SLAMF1: variants seen among roughly 807,000 people sequenced by gnomAD.
SLAMF1 encodes signaling lymphocytic activation molecule family member 1, also known as signaling lymphocytic activation molecule.
Under a neutral mutation model 35.1 loss-of-function variants are expected in SLAMF1, and 18 were observed. The ratio of observed to expected loss-of-function variants is 0.51; its 90% CI spans 0.35 to 0.76. The LOEUF is 0.76. Among genes scored for constraint, SLAMF1 ranks in the 30% least tolerant of loss-of-function variants. SLAMF1 has a pLI of 0.01. For missense variants in SLAMF1, 392 were observed against 413.0 expected (o/e 0.95, Z 0.44); for synonymous variants, 168 against 157.2 (o/e 1.07, Z -0.51).
chr1:160,610,286 C>A lies in SLAMF1; in HGVS notation c.*462G>T, dbSNP rs1369274490. ...AGGCACAGAGGCTTGATCAGGTCTG[C>A]AGGTTATCATGATCAGCTCCCAGAA... is the stretch of plus-strand genomic sequence containing the variant. On this transcript the variant is annotated 3_prime_UTR_variant, in exon 7 of 7. Transcript: ENST00000302035. 1 of 456,750 alleles carries A rather than the reference C, an allele frequency of 2.2e-6. No homozygotes were observed. Among genetic ancestry groups the A allele is most frequent in the Non-Finnish European group, 4.4e-6 (1 of 227,090 alleles). 28.3% of individuals were successfully genotyped at this position (456,750 alleles called of 1,614,324 possible). A position where few individuals can be genotyped will look rare whatever the true frequency, so the allele number is the denominator to read the frequency against.
intron 5 of SLAMF1, among the ~76,000 whole-genome samples, chr1:160,616,903 C>G (rs1019979777): frequency 5.9e-5 from 9 of 151,996 alleles, no homozygotes; most frequent in African/African-American, 2.2e-4. Context: ...TGCCTGTAAT[C>G]CCAGCACTTT....
chr1:160,622,700 A>G, intron 4 of SLAMF1, among the ~76,000 whole-genome samples: 1 of 152,220 alleles, frequency 6.6e-6, no homozygotes, highest in Admixed American at 6.5e-5. Flanking sequence ...CCTGTTTTGC[A>G]GACGAGAAGT....
intron 5 of SLAMF1, chr1:160,615,762 G>A: frequency 5.8e-6 from 2 of 346,312 alleles, no homozygotes; most frequent in South Asian, 2.3e-5. Context: ...GTCTGATGAT[G>A]ACTGTCCTTA....
At chr1:160,643,448 T>C (rs1450466151) in intron 1 of SLAMF1, among the ~76,000 whole-genome samples, 1 of 152,164 alleles carries the variant, frequency 6.6e-6, no homozygotes, top group Non-Finnish European at 1.5e-5. Flanking sequence ...TTTGCTCCTC[T>C]CGGGAAAAAT....
At chr1:160,616,081 G>A (rs1485643124) in intron 5 of SLAMF1, among the ~76,000 whole-genome samples, 2 of 152,172 alleles carry the variant, frequency 1.3e-5, no homozygotes, top group African/African-American at 4.8e-5. Flanking sequence ...AACTCCTTAT[G>A]TGAATTAGCA....
At chr1:160,629,303 G>GTC (rs10653393) in intron 3 of SLAMF1, among the ~76,000 whole-genome samples, 50,805 of 150,182 alleles carry the variant, frequency 0.34, 8,687 homozygotes, top group Middle Eastern at 0.47. Flanking sequence ...ACAGAAGCGT[G>GTC]TCTCTCTCTC....
At chr1:160,615,802 AG>A in intron 5 of SLAMF1, 2 of 269,870 alleles carry the variant, frequency 7.4e-6, no homozygotes, top group Non-Finnish European at 1.5e-5. Flanking sequence ...AGACACAGAG[AG>A]GGAGGTCATG....
chr1:160,641,407 T>C (rs1660737628), intron 1 of SLAMF1, among the ~76,000 whole-genome samples: 1 of 151,744 alleles, frequency 6.6e-6, no homozygotes, highest in South Asian at 2.1e-4. Context: ...CTTTCAGAAC[T>C]TGGAGTTGAT....
In SLAMF1 at chr1:160,610,676, C is replaced by T; in HGVS notation, c.*72G>A. ...ATGTCTGCCAGAGGAAACTTGGGGC[C>T]TGTGGCCAAGTTCAGTGTTCATTTT... On this transcript the variant is annotated 3_prime_UTR_variant, in exon 7 of 7. Transcript: ENST00000302035. 1 of 1,144,118 alleles carries T rather than the reference C, an allele frequency of 8.7e-7. No individual in the cohort carries two copies. The highest frequency in any genetic ancestry group is 1.3e-6 in the Non-Finnish European group (1 of 753,914). 70.9% of individuals were successfully genotyped at this position (1,144,118 alleles called of 1,614,324 possible). A position where few individuals can be genotyped will look rare whatever the true frequency, so the allele number is the denominator to read the frequency against.
At position 160,634,845 on chromosome 1, in the gene SLAMF1, C is replaced by G; in HGVS notation, c.468G>C (p.Gly156=). ...IKVLNKTQEN[G]TCTLILGCTV... ...TGCAGCCCAGTATCAAGGTGCAGGT[C>G]CCGTTCTCCTGGGTCTTGTTTAAAA... Residue 156 remains glycine, a synonymous_variant, in exon 3 of 7, where the codon GGG becomes GGC. Coordinates refer to ENST00000302035, the MANE Select transcript of SLAMF1 (RefSeq NM_003037.5). 1 of 1,614,122 alleles carries G rather than the reference C, an allele frequency of 6.2e-7. No homozygotes were observed. Among genetic ancestry groups the G allele is most frequent in the Non-Finnish European group, 8.5e-7 (1 of 1,180,004 alleles).
chr1:160,635,960 G>T (rs912624510), intron 2 of SLAMF1, among the ~76,000 whole-genome samples: 13 of 152,088 alleles, frequency 8.5e-5, no homozygotes, highest in African/African-American at 1.2e-4. Context: ...CAGGGAGGTG[G>T]AATATCTTAC....
intron 4 of SLAMF1, among the ~76,000 whole-genome samples, chr1:160,622,954 G>C (rs116143298): frequency 6.6e-6 from 1 of 152,122 alleles, no homozygotes; most frequent in African/African-American, 2.4e-5. Flanking sequence ...AAATTTTACC[G>C]CAAGTTTGAG....
At chr1:160,634,226 C>T in intron 3 of SLAMF1, 1 of 155,564 alleles carries the variant, frequency 6.4e-6, no homozygotes. Context: ...TCAGTAAATA[C>T]TAATTGACGG....
rs1407709588 is a variant in SLAMF1 at position 160,609,653 on chromosome 1, G to T, written c.*1095C>A. 1 of 152,208 alleles carries T rather than the reference G, an allele frequency of 6.6e-6. No homozygotes were observed. The highest frequency in any genetic ancestry group is 1.9e-4 in the East Asian group (1 of 5,198). The allele number at this position is 152,208 out of a possible 1,614,324, so 9.4% of individuals were successfully genotyped here. A position where few individuals can be genotyped will look rare whatever the true frequency, so the allele number is the denominator to read the frequency against. On this transcript the variant is annotated 3_prime_UTR_variant, in exon 7 of 7. Transcript: ENST00000302035. The stretch of plus-strand genomic sequence containing the variant: ...AAAAACAAAGGACTTTACTTAAAAA[G>T]TCTCTTTCTGCCTGCAGCTTGCAAA...
intron 1 of SLAMF1, among the ~76,000 whole-genome samples, chr1:160,643,048 CA>C (rs5778174): frequency 0.92 from 139,538 of 152,110 alleles, 65,221 homozygotes; most frequent in East Asian, 1. Context: ...TTTGGCCCCC[CA>C]CTTCCCCCTA....
chr1:160,628,875 G>C (rs563298699), intron 3 of SLAMF1, among the ~76,000 whole-genome samples: 3 of 152,134 alleles, frequency 2.0e-5, no homozygotes, highest in Non-Finnish European at 2.9e-5. Context: ...CTGTGCCATC[G>C]GCGCTTCACC....
rs1660054174 is a variant in SLAMF1 at position 160,629,432 on chromosome 1, T to G, written c.700+5181A>C. Among the ~76,000 whole-genome samples, 3 of 152,146 alleles carry G rather than the reference T, an allele frequency of 2.0e-5. No homozygotes were observed. The South Asian group carries it at 6.2e-4, about 32-fold the overall frequency. ...GTTCACCTAGGAGATACTGCGACGT[T>G]AGCGTAACGGTGGGAGCGTGCCGGA... On this transcript the variant is annotated intron_variant, in intron 3 of 6. Transcript: ENST00000302035.
chr1:160,639,267 C>G (rs1410055033), intron 1 of SLAMF1, among the ~76,000 whole-genome samples: 3 of 152,064 alleles, frequency 2.0e-5, no homozygotes, highest in African/African-American at 7.2e-5. Flanking sequence ...GTGCTGTCGC[C>G]CAGGCTGGAG....
intron 3 of SLAMF1, among the ~76,000 whole-genome samples, chr1:160,631,790 A>G (rs535625486): frequency 6.6e-6 from 1 of 152,258 alleles, no homozygotes; most frequent in South Asian, 2.1e-4. Context: ...ACCTGCCAAC[A>G]CCTTGACCTC....
Sources: gnomAD v4.1 joint callset for allele counts (sites outside exome capture counted in the v4.1 genomes callset) on GRCh38, gnomAD v4.1.1 for gene constraint, MANE v1.5 for transcripts, NCBI Gene and HGNC (gene_info 2026-07-23, HGNC 2026-07-21) for gene names.